FGGY: variants seen among roughly 807,000 people sequenced by gnomAD.
FGGY encodes the protein FGGY carbohydrate kinase domain containing.
FGGY carries 72 observed loss-of-function variants against 71.3 expected under a neutral mutation model. The observed-to-expected ratio is 1.01, with a 90% CI of 0.84 to 1.23. FGGY has a LOEUF of 1.23. Ranked by LOEUF, FGGY falls within the 50% of genes most tolerant of loss-of-function variation. The pLI is 0.00. For synonymous variants in FGGY, 251 were observed against 250.3 expected (o/e 1.00, Z -0.02); for missense variants, 668 against 682.3 (o/e 0.98, Z 0.23).
chr1:59,379,301 G>A (rs1030403566), intron 5 of FGGY, among the ~76,000 whole-genome samples: 1 of 152,026 alleles, frequency 6.6e-6, no homozygotes, highest in Non-Finnish European at 1.5e-5. Context: ...TCTAGATAGT[G>A]TATTCTACTA....
At chr1:59,354,030 A>G (rs1451456707) in intron 4 of FGGY, among the ~76,000 whole-genome samples, 1 of 152,222 alleles carries the variant, frequency 6.6e-6, no homozygotes, top group Non-Finnish European at 1.5e-5. Flanking sequence ...CATTTTACCC[A>G]TGATAATTCA....
At chr1:59,633,776 T>C (rs779409049) in intron 10 of FGGY, among the ~76,000 whole-genome samples, 6 of 152,016 alleles carry the variant, frequency 3.9e-5, no homozygotes, top group Non-Finnish European at 8.8e-5. Flanking sequence ...TATTTGGAAG[T>C]CCTCAGCACT....
intron 6 of FGGY, among the ~76,000 whole-genome samples, chr1:59,493,132 A>ACAC (rs1200996976): frequency 7.3e-4 from 40 of 54,810 alleles, no homozygotes; most frequent in Non-Finnish European, 3.3e-4. Context: ...CACACACACA[A>ACAC]AACAGAAAGT....
At chr1:59,601,301 C>A (rs112040465) in intron 8 of FGGY, among the ~76,000 whole-genome samples, 1 of 152,180 alleles carries the variant, frequency 6.6e-6, no homozygotes, top group Non-Finnish European at 1.5e-5. Flanking sequence ...GGAGCAGCTC[C>A]CCACTCTGAG....
intron 14 of FGGY, among the ~76,000 whole-genome samples, chr1:59,718,696 C>T (rs1387411070): frequency 6.6e-6 from 1 of 152,192 alleles, no homozygotes; most frequent in Non-Finnish European, 1.5e-5. Flanking sequence ...CCCAGAGGAG[C>T]ATTCTGAGGT....
At chr1:59,690,014 C>G (rs545329034) in intron 14 of FGGY, among the ~76,000 whole-genome samples, 1 of 152,310 alleles carries the variant, frequency 6.6e-6, no homozygotes, top group East Asian at 1.9e-4. Context: ...GGGATCTTGA[C>G]AAACCAGACT....
chr1:59,732,450 A>G (rs754004230), intron 14 of FGGY, among the ~76,000 whole-genome samples: 17 of 152,216 alleles, frequency 1.1e-4, no homozygotes, highest in Non-Finnish European at 1.9e-4. Context: ...AGATACAAGC[A>G]GCTGCTCCCT....
chr1:59,490,979 CTTG>C, intron 6 of FGGY, among the ~76,000 whole-genome samples: 2 of 41,968 alleles, frequency 4.8e-5, no homozygotes, highest in Non-Finnish European at 9.4e-5. Flanking sequence ...CTCCAGCCTG[CTTG>C]CTTGCTTGCT....
chr1:59,595,673 G>A (rs996052208), intron 8 of FGGY, among the ~76,000 whole-genome samples: 1 of 152,102 alleles, frequency 6.6e-6, no homozygotes, highest in African/African-American at 2.4e-5. Context: ...CTGGGTGACA[G>A]AGTGAGACTC....
At chr1:59,466,987 C>T (rs906927262) in intron 6 of FGGY, among the ~76,000 whole-genome samples, 11 of 152,066 alleles carry the variant, frequency 7.2e-5, no homozygotes, top group Admixed American at 2.6e-4. Context: ...TTTGACCCAG[C>T]GATTCCATTA....
intron 5 of FGGY, among the ~76,000 whole-genome samples, chr1:59,455,564 G>T (rs72913791): frequency 6.6e-6 from 1 of 152,170 alleles, no homozygotes; most frequent in South Asian, 2.1e-4. Context: ...AAGTTAGAGC[G>T]TAGCAATTGA....
At chr1:59,621,622 T>C (rs1036166724) in intron 9 of FGGY, among the ~76,000 whole-genome samples, 16 of 152,060 alleles carry the variant, frequency 1.1e-4, no homozygotes, top group African/African-American at 3.9e-4. Flanking sequence ...GGTTTTTTTT[T>C]CCATCAGCAC....
chr1:59,421,385 A>T (rs2065388394), intron 5 of FGGY, among the ~76,000 whole-genome samples: 2 of 152,138 alleles, frequency 1.3e-5, no homozygotes, highest in South Asian at 4.1e-4. Context: ...TACATGCTGA[A>T]ATATTTACAG....
intron 9 of FGGY, among the ~76,000 whole-genome samples, chr1:59,621,840 CA>C (rs2096811215): frequency 6.6e-6 from 1 of 151,898 alleles, no homozygotes; most frequent in African/African-American, 2.4e-5. Context: ...TTCCTTTCAC[CA>C]AGTTTGGGAA....
chr1:59,748,937 C>A (rs1476283439), intron 14 of FGGY, among the ~76,000 whole-genome samples: 1 of 152,170 alleles, frequency 6.6e-6, no homozygotes, highest in Non-Finnish European at 1.5e-5. Flanking sequence ...CTCCCCTGAC[C>A]TTCCAGAATG....
At chr1:59,609,144 G>T (rs2096651398) in intron 9 of FGGY, among the ~76,000 whole-genome samples, 2 of 152,190 alleles carry the variant, frequency 1.3e-5, no homozygotes, top group Admixed American at 6.5e-5. Flanking sequence ...TGGGAAAAAA[G>T]ACATGGAAGT....
At chr1:59,544,268 C>A (rs1016673623) in intron 7 of FGGY, among the ~76,000 whole-genome samples, 4 of 152,060 alleles carry the variant, frequency 2.6e-5, no homozygotes, top group African/African-American at 9.7e-5. Context: ...TTATGTTAGG[C>A]TTGATGAAGA....
chr1:59,392,235 G>T (rs150748053), intron 5 of FGGY, among the ~76,000 whole-genome samples: 2 of 152,176 alleles, frequency 1.3e-5, no homozygotes, highest in African/African-American at 4.8e-5. Context: ...TTATACTTAT[G>T]TGATTCTTGG....
At chr1:59,314,380 T>C (rs993912255) in intron 1 of FGGY, among the ~76,000 whole-genome samples, 1 of 152,224 alleles carries the variant, frequency 6.6e-6, no homozygotes, top group Non-Finnish European at 1.5e-5. Flanking sequence ...TCTTTGGTGA[T>C]GCTATACTGT....
Sources: allele counts gnomAD v4.1 joint callset (sites outside exome capture counted in the v4.1 genomes callset), GRCh38; gene constraint gnomAD v4.1.1; transcripts MANE v1.5; gene names NCBI Gene and HGNC (gene_info 2026-07-23, HGNC 2026-07-21).